The following ZC3H12B variants were observed in gnomAD, a reference collection of about 807,000 sequenced individuals.
ZC3H12B encodes probable ribonuclease ZC3H12B.
Under a neutral mutation model 43.9 loss-of-function variants are expected in ZC3H12B, and 7 were observed. That is an observed-to-expected ratio of 0.16 (90% CI 0.09 to 0.30). The LOEUF (loss-of-function observed/expected upper bound fraction) is 0.30. ZC3H12B is among the 10% of genes least tolerant of loss of function. The pLI is 1.00. For synonymous variants in ZC3H12B, 222 were observed against 241.7 expected, an observed-to-expected ratio of 0.92 and a Z score of 0.76; for missense variants, 475 against 670.2, an observed-to-expected ratio of 0.71 and a Z score of 3.22.
chrX:65,312,888 TG>T, the ZC3H12B span, among the ~76,000 whole-genome samples: 1 of 111,786 alleles, frequency 8.9e-6, no homozygotes, highest in Non-Finnish European at 1.9e-5. Context: ...TTGTTTTTTT[TG>T]TTTGTTTTTT....
the ZC3H12B span, among the ~76,000 whole-genome samples, chrX:65,132,217 G>A: frequency 2.7e-5 from 3 of 111,817 alleles, no homozygotes; most frequent in African/African-American, 9.8e-5. Flanking sequence ...GGGTGGATAG[G>A]CAAAACAATT....
At chrX:65,489,319 T>A (rs776433255) in exon 1 of ZC3H12B, 7 of 1,211,097 alleles carry the variant, frequency 5.8e-6, no homozygotes, top group Non-Finnish European at 7.8e-6. Context: ...TCCAGAGAGA[T>A]TGCAAGCCCT....
At chrX:65,161,778 G>A in the ZC3H12B span, among the ~76,000 whole-genome samples, 32 of 111,649 alleles carry the variant, frequency 2.9e-4, no homozygotes, top group Admixed American at 2.9e-3. Context: ...GGTTAATATT[G>A]TTTTGTGTGA....
the ZC3H12B span, among the ~76,000 whole-genome samples, chrX:65,261,913 A>G: frequency 9.0e-6 from 1 of 110,951 alleles, no homozygotes; most frequent in Non-Finnish European, 1.9e-5. Flanking sequence ...GCAGATGCTT[A>G]GCACATATCT....
chrX:65,159,851 G>C, the ZC3H12B span, among the ~76,000 whole-genome samples: 2 of 111,845 alleles, frequency 1.8e-5, no homozygotes, highest in Admixed American at 9.5e-5. Flanking sequence ...AGTTTTCAAA[G>C]GGAATGCTTC....
chrX:65,472,234 T>C (rs899370221), intron 3 of ZC3H12B, among the ~76,000 whole-genome samples: 1 of 111,965 alleles, frequency 8.9e-6, no homozygotes, highest in African/African-American at 3.2e-5. Flanking sequence ...AATTGAGTTA[T>C]TTATTTTCAT....
the ZC3H12B span, among the ~76,000 whole-genome samples, chrX:65,181,697 A>C: frequency 8.9e-6 from 1 of 112,251 alleles, no homozygotes; most frequent in Admixed American, 9.5e-5. Context: ...CAAAACCACA[A>C]TGAGATACCA....
the ZC3H12B span, among the ~76,000 whole-genome samples, chrX:65,132,638 A>G: frequency 4.2e-4 from 47 of 111,298 alleles, no homozygotes; most frequent in Non-Finnish European, 9.4e-5. Context: ...AGGGAGCTGG[A>G]CAGGTGGGGA....
At chrX:65,156,108 C>T in the ZC3H12B span, among the ~76,000 whole-genome samples, 9 of 110,838 alleles carry the variant, frequency 8.1e-5, no homozygotes, top group Non-Finnish European at 1.7e-4. Flanking sequence ...TTTATAGTAT[C>T]CTCTTAGTAT....
the ZC3H12B span, among the ~76,000 whole-genome samples, chrX:65,057,407 G>C: frequency 2.7e-5 from 3 of 111,529 alleles, no homozygotes; most frequent in African/African-American, 9.8e-5. Flanking sequence ...GTTGAATATT[G>C]GCCCCCACTC....
the ZC3H12B span, among the ~76,000 whole-genome samples, chrX:65,175,983 T>A: frequency 9.0e-6 from 1 of 111,239 alleles, no homozygotes; most frequent in East Asian, 2.8e-4. Context: ...GACACCAAAC[T>A]AGCTGCAGGC....
chrX:65,109,793 G>A, the ZC3H12B span, among the ~76,000 whole-genome samples: 5 of 111,433 alleles, frequency 4.5e-5, no homozygotes, highest in African/African-American at 1.3e-4. Flanking sequence ...CAAAATAGAC[G>A]TACCATTTTA....
upstream of ZC3H12B, among the ~76,000 whole-genome samples, chrX:65,363,461 T>G (rs990623894): frequency 1.8e-5 from 2 of 111,705 alleles, no homozygotes; most frequent in Non-Finnish European, 3.8e-5. Context: ...AACAAAACCA[T>G]TTTTGTTTTT....
chrX:65,053,604 C>G, the ZC3H12B span, among the ~76,000 whole-genome samples: 2 of 111,536 alleles, frequency 1.8e-5, no homozygotes, highest in African/African-American at 3.3e-5. Flanking sequence ...ATGATTTATA[C>G]TCCTCTGGGT....
intron 3 of ZC3H12B, among the ~76,000 whole-genome samples, chrX:65,426,599 G>C (rs1248832777): frequency 9.1e-6 from 1 of 110,323 alleles, no homozygotes; most frequent in Non-Finnish European, 1.9e-5. Context: ...TTTTGATGTG[G>C]GCATTTAGTG....
At chrX:65,310,566 A>G in the ZC3H12B span, among the ~76,000 whole-genome samples, 1 of 112,059 alleles carries the variant, frequency 8.9e-6, no homozygotes, top group Non-Finnish European at 1.9e-5. Flanking sequence ...AAATGGCCAT[A>G]CTGCCCAAGG....
chrX:65,312,289 G>A, the ZC3H12B span, among the ~76,000 whole-genome samples: 1 of 111,775 alleles, frequency 8.9e-6, no homozygotes, highest in Non-Finnish European at 1.9e-5. Flanking sequence ...ATGGTGAGTT[G>A]CATAAAGGGA....
At chrX:65,035,238 A>G in the ZC3H12B span, among the ~76,000 whole-genome samples, 1 of 111,890 alleles carries the variant, frequency 8.9e-6, no homozygotes, top group East Asian at 2.9e-4. Context: ...TGCGTCGAGC[A>G]GGGCGACGAC....
chrX:65,413,093 T>C lies in ZC3H12B; in HGVS notation n.407+14389T>C, dbSNP rs2066922626. On this transcript the variant is annotated intron_variant and non_coding_transcript_variant, in intron 3 of 5. Transcript: ENST00000617377. ...GCTTGTTTGCCTTTGTATATCTTTG[T>C]AGAGAAATATCTATTTCAAATCCTT... Among the ~76,000 whole-genome samples, 5 of 111,621 alleles carry C rather than the reference T, an allele frequency of 4.5e-5. No homozygotes were observed. In the Admixed American group the frequency reaches 4.8e-4, roughly 11 times the overall value.
Sources: gnomAD v4.1 joint callset for allele counts (sites outside exome capture counted in the v4.1 genomes callset) on GRCh38, gnomAD v4.1.1 for gene constraint, MANE v1.5 for transcripts, NCBI Gene and HGNC (gene_info 2026-07-23, HGNC 2026-07-21) for gene names.